NBEA: variants seen among roughly 807,000 people sequenced by gnomAD.
NBEA encodes the protein neurobeachin.
A neutral mutation model predicts 343.4 loss-of-function variants in NBEA; 44 were observed. The observed-to-expected ratio is 0.13, with a 90% confidence interval of 0.10 to 0.16. The LOEUF (loss-of-function observed/expected upper bound fraction) is 0.16, where lower values mean the gene tolerates loss of function less well. Among genes scored for constraint, NBEA ranks in the 10% least tolerant of loss-of-function variants. The probability of loss-of-function intolerance (pLI) is 1.00; values close to 1 mark genes in which losing one functional copy is unlikely to be tolerated. For missense variants in NBEA, 2,555 were observed against 3,631.3 expected (o/e 0.70, Z 7.62); for synonymous variants, 1,175 against 1,238.7 (o/e 0.95, Z 1.08).
intron 41 of NBEA, among the ~76,000 whole-genome samples, chr13:35,542,707 T>C (rs1052054751): frequency 6.6e-6 from 1 of 152,084 alleles, no homozygotes; most frequent in Non-Finnish European, 1.5e-5. Flanking sequence ...TTTCCATAAT[T>C]TTAAATATTT....
chr13:35,261,464 T>C (rs992659988), intron 34 of NBEA, among the ~76,000 whole-genome samples: 6 of 151,970 alleles, frequency 3.9e-5, no homozygotes, highest in African/African-American at 1.2e-4. Context: ...TGAGCCAAGA[T>C]TGTACCACTG....
intron 17 of NBEA, among the ~76,000 whole-genome samples, chr13:35,137,913 A>T (rs929485159): frequency 5.9e-5 from 9 of 152,158 alleles, no homozygotes; most frequent in African/African-American, 2.2e-4. Flanking sequence ...TTTATTCAAG[A>T]AAATTAAAAA....
chr13:35,578,908 A>G (rs895495723), intron 45 of NBEA, among the ~76,000 whole-genome samples: 6 of 151,740 alleles, frequency 4.0e-5, no homozygotes, highest in Admixed American at 3.9e-4. Flanking sequence ...CATATTCCAT[A>G]TAGCCTACAG....
intron 38 of NBEA, among the ~76,000 whole-genome samples, chr13:35,417,114 G>A (rs2043960226): frequency 6.6e-6 from 1 of 152,116 alleles, no homozygotes; most frequent in South Asian, 2.1e-4. Context: ...GCATCTATTT[G>A]ATTCTTCTCT....
Position 35,168,973 on chromosome 13 carries a change from T to C in NBEA, c.4234-14T>C, listed in dbSNP as rs749605529. ...TTTTTGGTCTGTTGTCTGTTTTGTCTAATGCATGTCCAGGGTTCTAAGGTT... is the reference window on the plus strand; with the variant it reads ...TTTTTGGTCTGTTGTCTGTTTTGTCCAATGCATGTCCAGGGTTCTAAGGTT... On this transcript the variant is annotated splice_polypyrimidine_tract_variant and intron_variant, in intron 24 of 58. Coordinates refer to ENST00000379939, the MANE Select transcript of NBEA (RefSeq NM_001385012.1). 22 of 1,476,292 alleles carry C rather than the reference T, an allele frequency of 1.5e-5. No individual in the cohort carries two copies. In the East Asian group the frequency reaches 5.4e-4, roughly 36 times the overall value. 91.4% of individuals were successfully genotyped at this position (1,476,292 alleles called of 1,614,324 possible). A position where few individuals can be genotyped will look rare whatever the true frequency, so the allele number is the denominator to read the frequency against.
At chr13:35,374,304 A>T (rs567300865) in intron 38 of NBEA, among the ~76,000 whole-genome samples, 2 of 152,340 alleles carry the variant, frequency 1.3e-5, no homozygotes, top group African/African-American at 4.8e-5. Context: ...TTGAGTTCAC[A>T]GTTAGATATG....
chr13:35,483,765 A>G (rs1257525040), intron 41 of NBEA, among the ~76,000 whole-genome samples: 1 of 152,122 alleles, frequency 6.6e-6, no homozygotes, highest in East Asian at 1.9e-4. Flanking sequence ...GCCTATTAAG[A>G]AAGAAGTTAT....
chr13:35,450,032 C>G (rs2046226915), intron 39 of NBEA, among the ~76,000 whole-genome samples: 1 of 152,124 alleles, frequency 6.6e-6, no homozygotes, highest in Non-Finnish European at 1.5e-5. Context: ...TTTACTCTGG[C>G]AGCCTTTTGA....
intron 34 of NBEA, among the ~76,000 whole-genome samples, chr13:35,248,619 CAAAA>C (rs978698838): frequency 7.3e-6 from 1 of 136,196 alleles, no homozygotes; most frequent in African/African-American, 2.5e-5. Context: ...AATAAACAAA[CAAAA>C]AAAGCCAGCC....
rs560702742 is a variant in NBEA, at chr13:35,197,218, T to G, written c.5366+916T>G. On this transcript the variant is annotated intron_variant, in intron 31 of 58. Coordinates refer to ENST00000379939, the MANE Select transcript of NBEA (RefSeq NM_001385012.1). ...GTGTTAATGTATTAACTGAAAAATGTGATGGCTTACCTTTTAAAGTAAATC... is the reference window on the plus strand; with the variant it reads ...GTGTTAATGTATTAACTGAAAAATGGGATGGCTTACCTTTTAAAGTAAATC... Among the ~76,000 whole-genome samples the G allele has an allele frequency of 5.3e-5, 8 of 152,312 alleles. No individual in the cohort carries two copies. The South Asian group carries it at 1.4e-3, about 28-fold the overall frequency.
At chr13:35,630,388 G>T (rs2083397243) in intron 49 of NBEA, among the ~76,000 whole-genome samples, 1 of 152,136 alleles carries the variant, frequency 6.6e-6, no homozygotes, top group South Asian at 2.1e-4. Flanking sequence ...AATTTAAAAT[G>T]TAAAAATTAA....
rs556385198 is a variant in NBEA, at chr13:35,570,458, C to T, written c.7035+3441C>T. Among the ~76,000 whole-genome samples the T allele has an allele frequency of 1.1e-4, 16 of 152,322 alleles. 1 individual carries two copies. Among genetic ancestry groups the T allele is most frequent in the South Asian group, 8.3e-4 (4 of 4,828 alleles). ...TAAGTAAATAATACAGGTAAACAGA[C>T]GGAGCCTAAATAAATTAGGCAATGT... is the stretch of plus-strand genomic sequence containing the variant. On this transcript the variant is annotated intron_variant, in intron 45 of 58. Coordinates refer to ENST00000379939, the MANE Select transcript of NBEA (RefSeq NM_001385012.1).
chr13:35,409,656 C>G (rs1188241767), intron 38 of NBEA, among the ~76,000 whole-genome samples: 2 of 152,004 alleles, frequency 1.3e-5, no homozygotes, highest in Non-Finnish European at 2.9e-5. Flanking sequence ...ACCTGTTTCT[C>G]TTTCTGATAA....
chr13:35,466,550 C>T (rs955017990), intron 40 of NBEA, among the ~76,000 whole-genome samples: 1 of 152,188 alleles, frequency 6.6e-6, no homozygotes, highest in Non-Finnish European at 1.5e-5. Flanking sequence ...TCCCTGCAGC[C>T]TTGACTTCCA....
At chr13:35,243,904 A>G (rs1226168496) in intron 34 of NBEA, among the ~76,000 whole-genome samples, 2 of 151,916 alleles carry the variant, frequency 1.3e-5, no homozygotes, top group African/African-American at 4.8e-5. Flanking sequence ...ATTGGACTTA[A>G]CAGACCAAAG....
At chr13:35,544,326 T>C (rs1440035874) in intron 41 of NBEA, among the ~76,000 whole-genome samples, 2 of 152,194 alleles carry the variant, frequency 1.3e-5, no homozygotes, top group African/African-American at 4.8e-5. Flanking sequence ...TGTGCTAATA[T>C]ATGCATTAGA....
At chr13:35,016,778 A>T (rs114725309) in intron 1 of NBEA, among the ~76,000 whole-genome samples, 8 of 152,146 alleles carry the variant, frequency 5.3e-5, no homozygotes, top group African/African-American at 1.9e-4. Flanking sequence ...AGAGGCAGCA[A>T]CTCAAACTGA....
chr13:34,966,852 G>A (rs1176641898), intron 1 of NBEA, among the ~76,000 whole-genome samples: 1 of 151,732 alleles, frequency 6.6e-6, no homozygotes, highest in Non-Finnish European at 1.5e-5. Flanking sequence ...CCACAGATGA[G>A]GTTTGCATAT....
chr13:35,555,155 T>C (rs1347816869), intron 44 of NBEA, 53 bp downstream of exon 44: 1 of 1,022,664 alleles, frequency 9.8e-7, no homozygotes, highest in African/African-American at 1.6e-5. Flanking sequence ...ATCAAAATCA[T>C]GGTAATGTAG....
Sources: gnomAD v4.1 joint callset for allele counts (sites outside exome capture counted in the v4.1 genomes callset) on GRCh38, gnomAD v4.1.1 for gene constraint, MANE v1.5 for transcripts, NCBI Gene and HGNC (gene_info 2026-07-23, HGNC 2026-07-21) for gene names.